The following PCDHGA4 variants were observed in gnomAD, a reference collection of about 807,000 sequenced individuals.
The protein encoded by PCDHGA4 is protocadherin gamma subfamily A, 4.
In PCDHGA4, 38 loss-of-function variants were observed where a neutral mutation model predicts 54.6. That is an observed-to-expected ratio of 0.70 (90% confidence interval 0.54 to 0.91). The LOEUF (loss-of-function observed/expected upper bound fraction) is 0.91, where lower values mean the gene tolerates loss of function less well. Ranked by LOEUF, PCDHGA4 falls within the 40% of genes least tolerant of loss-of-function variation. The pLI, the probability that PCDHGA4 is intolerant of heterozygous loss-of-function variation, is 0.00. For missense variants in PCDHGA4, 1,298 were observed against 1,220.9 expected (o/e 1.06, Z -0.94); for synonymous variants, 511 against 512.9 (o/e 1.00, Z 0.05).
intron 1 of PCDHGA4, chr5:141,422,432 A>T: frequency 6.2e-7 from 1 of 1,609,448 alleles, no homozygotes; most frequent in South Asian, 1.1e-5. Context: ...TATGGAAATT[A>T]TTACAAATTG....
At chr5:141,418,726 G>C (rs1399333996) in intron 1 of PCDHGA4, 1 of 1,613,986 alleles carries the variant, frequency 6.2e-7, no homozygotes, top group Non-Finnish European at 8.5e-7. Flanking sequence ...ACAAAGCTCA[G>C]CACGTGTTCT....
At chr5:141,397,569 G>A (rs996927698) in intron 1 of PCDHGA4, among the ~76,000 whole-genome samples, 2 of 152,162 alleles carry the variant, frequency 1.3e-5, no homozygotes, top group Non-Finnish European at 2.9e-5. Context: ...CTGAGAGCAA[G>A]AACTGTATCA....
chr5:141,422,188 C>T, intron 1 of PCDHGA4: 1 of 1,561,742 alleles, frequency 6.4e-7, no homozygotes. Context: ...GATGGAAATT[C>T]AAGGCCAAGA....
intron 1 of PCDHGA4, among the ~76,000 whole-genome samples, chr5:141,386,959 G>A (rs1339408726): frequency 6.6e-6 from 1 of 152,220 alleles, no homozygotes; most frequent in Non-Finnish European, 1.5e-5. Flanking sequence ...CAGTGCAGCA[G>A]ATCTCAGTGA....
At chr5:141,422,789 TC>T (rs1561803924) in intron 1 of PCDHGA4, 44 of 1,614,158 alleles carry the variant, frequency 2.7e-5, no homozygotes, top group Non-Finnish European at 3.6e-5. Context: ...CTACAATCCT[TC>T]GACTATGAGC....
intron 1 of PCDHGA4, chr5:141,398,627 T>C: frequency 6.2e-7 from 1 of 1,614,044 alleles, no homozygotes; most frequent in Non-Finnish European, 8.5e-7. Context: ...TTAAACTCTC[T>C]GCAGAAGTAT....
chr5:141,376,027 C>A (rs750383085), intron 1 of PCDHGA4: 30 of 1,613,250 alleles, frequency 1.9e-5, no homozygotes, highest in Non-Finnish European at 2.5e-5. Context: ...CCGTCCAGGA[C>A]CACGGCCAGC....
At chr5:141,484,352 T>A (rs112226980) in intron 1 of PCDHGA4, among the ~76,000 whole-genome samples, 8,127 of 152,270 alleles carry the variant, frequency 0.053, 445 homozygotes, top group African/African-American at 0.15. Context: ...TAATTTAGTG[T>A]ATCTAGTGTA....
rs377276213 is a variant in PCDHGA4, at chr5:141,357,367, C to T, written c.2260C>T (p.Arg754Cys). ...CAAGCTGAGACGCTGGCACAAGTCA[C>T]GCCTGCTTCACGCTGAAGGCAGCAG... Reference protein sequence around the residue: ...ALKLRRWHKSRLLHAEGSRLA... With the variant: ...ALKLRRWHKSCLLHAEGSRLA... Residue 754 changes from arginine to cysteine, a missense_variant, in exon 1 of 4, where the codon CGC becomes TGC. Coordinates refer to ENST00000571252, the MANE Select transcript of PCDHGA4 (RefSeq NM_018917.4). 3.1e-6 allele frequency: 5 copies of T among 1,614,178 alleles called. No homozygotes were observed. Among genetic ancestry groups the T allele is most frequent in the Admixed American group, 1.7e-5 (1 of 60,026 alleles).
At chr5:141,420,289 AT>A in intron 1 of PCDHGA4, 1 of 1,497,936 alleles carries the variant, frequency 6.7e-7, no homozygotes, top group Non-Finnish European at 9.0e-7. Flanking sequence ...GTATTTAAAA[AT>A]GTATTTAATC....
chr5:141,461,124 A>G (rs992107268), intron 1 of PCDHGA4, among the ~76,000 whole-genome samples: 1 of 151,978 alleles, frequency 6.6e-6, no homozygotes, highest in Admixed American at 6.6e-5. Context: ...TTTTTCATAT[A>G]ATTACTTATT....
rs770899476 is a variant in PCDHGA4, at chr5:141,355,866, C to T, written c.759C>T (p.Arg253=). 1 of 1,612,878 alleles carries T rather than the reference C, an allele frequency of 6.2e-7. No individual in the cohort carries two copies. The highest frequency in any genetic ancestry group is 1.7e-5 in the Admixed American group (1 of 59,862). The part of the protein sequence containing the change: ...LTAFDGGDPV[R]SGTARILIIL... ...CCTTCGATGGAGGTGACCCGGTTCGCTCTGGCACTGCCAGGATTCTCATAA... is the reference window on the plus strand; with the variant it reads ...CCTTCGATGGAGGTGACCCGGTTCGTTCTGGCACTGCCAGGATTCTCATAA... The change falls in exon 1 of 4, where the codon CGC becomes CGT. Residue 253 remains arginine (R), a synonymous_variant. Transcript: ENST00000571252.
intron 1 of PCDHGA4, chr5:141,361,109 G>C: frequency 1.2e-6 from 2 of 1,613,990 alleles, no homozygotes; most frequent in Non-Finnish European, 1.7e-6. Flanking sequence ...AAAGATCCTG[G>C]AGATCTAGCA....
intron 1 of PCDHGA4, chr5:141,366,026 G>A (rs1435351419): frequency 4.3e-6 from 7 of 1,614,094 alleles, no homozygotes; most frequent in Non-Finnish European, 5.1e-6. Flanking sequence ...CCTGTACCCC[G>A]CCCTCCCCAC....
Position 141,490,318 on chromosome 5 carries a change from C to T in PCDHGA4, c.2515-4489C>T. ...ATTGGCCTCTTTGGCCAACCCTGTCCTAGAGAGCACACCAGTGGGCACAGT... is the reference window on the plus strand; with the variant it reads ...ATTGGCCTCTTTGGCCAACCCTGTCTTAGAGAGCACACCAGTGGGCACAGT... On this transcript the variant is annotated intron_variant, in intron 1 of 3. Transcript: ENST00000571252. The surrounding 1 kb of genome is among the most constrained non-coding windows in gnomAD (Gnocchi z 5.4). 1 of 1,614,220 alleles carries T rather than the reference C, an allele frequency of 6.2e-7. No homozygotes were observed.
chr5:141,362,123 T>C (rs1762339716), intron 1 of PCDHGA4: 1 of 1,613,882 alleles, frequency 6.2e-7, no homozygotes, highest in African/African-American at 1.3e-5. Flanking sequence ...CTGCACCTAA[T>C]CTTCGCGGAT....
intron 1 of PCDHGA4, chr5:141,415,909 C>T: frequency 2.6e-6 from 2 of 761,032 alleles, no homozygotes; most frequent in Non-Finnish European, 3.7e-6. Context: ...GACTTCCATA[C>T]AGAAGTGCCT....
Position 141,456,055 on chromosome 5 carries a change from G to A in PCDHGA4, c.2515-38752G>A, listed in dbSNP as rs78682041. On this transcript the variant is annotated intron_variant, in intron 1 of 3. Coordinates refer to ENST00000571252, the MANE Select transcript of PCDHGA4 (RefSeq NM_018917.4). Reference sequence around the variant, plus strand: ...TGGGACTACAGGCGCCCACCACCACGTCCGGCTAATTTTTTGTATTTTCAG... The same window carrying A: ...TGGGACTACAGGCGCCCACCACCACATCCGGCTAATTTTTTGTATTTTCAG... Among the ~76,000 whole-genome samples, 302 of 151,836 alleles carry A rather than the reference G, an allele frequency of 2.0e-3. 1 individual carries two copies. The highest frequency in any genetic ancestry group is 0.01 in the Middle Eastern group (3 of 292).
At position 141,356,122 on chromosome 5, in the gene PCDHGA4, G is replaced by A; in HGVS notation, c.1015G>A (p.Asp339Asn). ...SGDITILGGL[D>N]YEDSGFYDID... The stretch of plus-strand genomic sequence containing the variant: ...GGATATAACAATATTGGGGGGTCTA[G>A]ATTATGAGGACTCTGGATTCTATGA... The change falls in exon 1 of 4, where the codon GAT becomes AAT. Residue 339 changes from aspartate to asparagine, a missense_variant. By Grantham distance (23) the Asp-to-Asn change is conservative (BLOSUM62 1). Transcript: ENST00000571252. 1 of 1,613,886 alleles carries A rather than the reference G, an allele frequency of 6.2e-7. No homozygotes were observed. The highest frequency in any genetic ancestry group is 8.5e-7 in the Non-Finnish European group (1 of 1,179,866).
Sources: gnomAD v4.1 joint callset for allele counts (sites outside exome capture counted in the v4.1 genomes callset) on GRCh38, gnomAD v4.1.1 for gene constraint, Gnocchi (gnomAD v3.1) non-coding constraint, MANE v1.5 for transcripts, NCBI Gene and HGNC (gene_info 2026-07-23, HGNC 2026-07-21) for gene names.